The following ST6GALNAC5 variants were observed in gnomAD, a reference collection of about 807,000 sequenced individuals.
ST6GALNAC5 encodes alpha-N-acetylgalactosaminide alpha-2,6-sialyltransferase 5.
A neutral mutation model predicts 33.6 loss-of-function variants in ST6GALNAC5; 27 were observed. That is an observed-to-expected ratio of 0.80 (90% CI 0.59 to 1.11). The LOEUF (loss-of-function observed/expected upper bound fraction) is 1.11. Among genes scored for constraint, ST6GALNAC5 ranks in the 50% least tolerant of loss-of-function variants. The probability of loss-of-function intolerance (pLI) is 0.00; values close to 1 mark genes in which losing one functional copy is unlikely to be tolerated. For missense variants in ST6GALNAC5, 428 were observed against 454.0 expected (o/e 0.94, Z 0.52); for synonymous variants, 194 against 171.2 (o/e 1.13, Z -1.04).
intron 2 of ST6GALNAC5, among the ~76,000 whole-genome samples, chr1:76,899,722 G>T (rs1348968814): frequency 3.3e-5 from 5 of 152,304 alleles, no homozygotes; most frequent in East Asian, 3.9e-4. Context: ...GAAAGGAATT[G>T]AAATTAAGAG....
Position 76,868,412 on chromosome 1 carries a change from C to A in ST6GALNAC5, c.16-85C>A. On this transcript the variant is annotated intron_variant, in intron 1 of 4. Coordinates refer to ENST00000477717, the MANE Select transcript of ST6GALNAC5 (RefSeq NM_030965.3). This position sits in a 1 kb window ranked among gnomAD's most constrained non-coding sequence, Gnocchi z 4.3. ...CCCCAAATCTCCCCCACTAGAGTGACCACCGCACAGTTGTCCCCGCTGGGC... is the reference window on the plus strand; with the variant it reads ...CCCCAAATCTCCCCCACTAGAGTGAACACCGCACAGTTGTCCCCGCTGGGC... 1 of 1,510,322 alleles carries A rather than the reference C, an allele frequency of 6.6e-7. No homozygotes were observed. The highest frequency in any genetic ancestry group is 8.9e-7 in the Non-Finnish European group (1 of 1,127,036). 93.6% of individuals were successfully genotyped at this position (1,510,322 alleles called of 1,614,324 possible).
At chr1:77,003,639 C>T (rs976472045) in intron 2 of ST6GALNAC5, among the ~76,000 whole-genome samples, 1 of 152,032 alleles carries the variant, frequency 6.6e-6, no homozygotes, top group African/African-American at 2.4e-5. Flanking sequence ...CTGGTTGTTC[C>T]TTTCCATGTT....
At chr1:77,009,630 G>A (rs1374723487) in intron 2 of ST6GALNAC5, among the ~76,000 whole-genome samples, 1 of 152,092 alleles carries the variant, frequency 6.6e-6, no homozygotes, top group Admixed American at 6.5e-5. Context: ...TCCCCCATGT[G>A]ACAAGAAGCT....
intron 2 of ST6GALNAC5, among the ~76,000 whole-genome samples, chr1:76,974,121 T>C (rs1208985252): frequency 6.6e-6 from 1 of 152,074 alleles, no homozygotes; most frequent in East Asian, 1.9e-4. Context: ...AATTACAAAT[T>C]AGTGAAGATT....
intron 2 of ST6GALNAC5, among the ~76,000 whole-genome samples, chr1:76,974,433 C>G (rs1366871598): frequency 6.6e-6 from 1 of 151,808 alleles, no homozygotes. Context: ...AAACACCTGG[C>G]CTCACGCAAT....
In ST6GALNAC5 at chr1:77,063,411, T is replaced by C. The variant is rs976288704; in HGVS notation, c.*205T>C. 7 of 577,006 alleles carry C rather than the reference T, an allele frequency of 1.2e-5. No individual in the cohort carries two copies. Among genetic ancestry groups the C allele is most frequent in the Non-Finnish European group, 1.9e-5 (6 of 322,612 alleles). 35.7% of individuals were successfully genotyped at this position (577,006 alleles called of 1,614,324 possible). A position where few individuals can be genotyped will look rare whatever the true frequency, so the allele number is the denominator to read the frequency against. On this transcript the variant is annotated 3_prime_UTR_variant, in exon 5 of 5. Coordinates refer to ENST00000477717, the MANE Select transcript of ST6GALNAC5 (RefSeq NM_030965.3). Reference sequence around the variant, plus strand: ...TCCGGAATTAATGCATCCTAATGAATGTTGTCCCCTTCAATGGTGTTACCT... The same window carrying C: ...TCCGGAATTAATGCATCCTAATGAACGTTGTCCCCTTCAATGGTGTTACCT...
At chr1:76,901,663 AG>A (rs1365586139) in intron 2 of ST6GALNAC5, among the ~76,000 whole-genome samples, 1 of 152,170 alleles carries the variant, frequency 6.6e-6, no homozygotes, top group African/African-American at 2.4e-5. Flanking sequence ...ATTTTCTACA[AG>A]CAGAGAAGTT....
At chr1:76,948,167 C>T (rs1035289456) in intron 2 of ST6GALNAC5, among the ~76,000 whole-genome samples, 5 of 152,152 alleles carry the variant, frequency 3.3e-5, no homozygotes, top group African/African-American at 1.2e-4. Flanking sequence ...TGAGGCGTGT[C>T]TATAAGGGCC....
In ST6GALNAC5 at chr1:77,063,160, C is replaced by A. The variant is rs1652644936; in HGVS notation, c.965C>A (p.Pro322Gln). The A allele has an allele frequency of 6.2e-7, 1 of 1,613,518 alleles. No individual in the cohort carries two copies. Among genetic ancestry groups the A allele is most frequent in the African/African-American group, 1.3e-5 (1 of 74,810 alleles). ...NIHFFQPDWK[P>Q]ESLAINHPEN... ...CACTTTTTTCAACCAGACTGGAAAC[C>A]AGAATCACTTGCTATAAATCATCCT... Residue 322 changes from proline (P) to glutamine (Q), a missense_variant, in exon 5 of 5, where the codon CCA (proline) becomes CAA (glutamine). By Grantham distance (76) the Pro-to-Gln change is moderately conservative. Coordinates refer to ENST00000477717, the MANE Select transcript of ST6GALNAC5 (RefSeq NM_030965.3).
intron 2 of ST6GALNAC5, among the ~76,000 whole-genome samples, chr1:76,958,370 A>G (rs1648090048): frequency 6.6e-6 from 1 of 152,166 alleles, no homozygotes. Flanking sequence ...TTCTTCCGCT[A>G]TGTAGTTGTT....
chr1:76,873,274 C>A (rs1444884099), intron 2 of ST6GALNAC5, among the ~76,000 whole-genome samples: 1 of 152,332 alleles, frequency 6.6e-6, no homozygotes, highest in East Asian at 1.9e-4. Flanking sequence ...CTTTAACTAG[C>A]CCCTCCTCAA....
chr1:77,032,974 A>G (rs939066099), intron 2 of ST6GALNAC5, among the ~76,000 whole-genome samples: 1 of 152,156 alleles, frequency 6.6e-6, no homozygotes. Context: ...GCCACATTAA[A>G]TATCACCTCA....
At chr1:76,968,766 G>A (rs772627347) in intron 2 of ST6GALNAC5, among the ~76,000 whole-genome samples, 21 of 152,152 alleles carry the variant, frequency 1.4e-4, no homozygotes, top group Non-Finnish European at 2.5e-4. Flanking sequence ...GATCTTGTAA[G>A]GCAGGCCTGG....
chr1:76,894,169 A>C (rs1274789239), intron 2 of ST6GALNAC5, among the ~76,000 whole-genome samples: 3 of 152,198 alleles, frequency 2.0e-5, no homozygotes, highest in African/African-American at 7.2e-5. Context: ...AAATCTGTCA[A>C]ATCTTTTAAG....
At chr1:76,972,316 C>T (rs1648792910) in intron 2 of ST6GALNAC5, among the ~76,000 whole-genome samples, 1 of 152,110 alleles carries the variant, frequency 6.6e-6, no homozygotes, top group Admixed American at 6.6e-5. Context: ...AATTGCCTCC[C>T]ACCAGGACCC....
chr1:76,898,511 T>G (rs1439482278), intron 2 of ST6GALNAC5, among the ~76,000 whole-genome samples: 6 of 152,156 alleles, frequency 3.9e-5, no homozygotes, highest in African/African-American at 1.4e-4. Flanking sequence ...AAACGTATAT[T>G]GAGAATAAGA....
chr1:77,034,717 G>T (rs1247478332), intron 2 of ST6GALNAC5, among the ~76,000 whole-genome samples: 1 of 152,196 alleles, frequency 6.6e-6, no homozygotes, highest in Non-Finnish European at 1.5e-5. Flanking sequence ...TGCAGAGGAA[G>T]GCAGCCTGCA....
chr1:76,878,762 T>G (rs1557707228), intron 2 of ST6GALNAC5, among the ~76,000 whole-genome samples: 1 of 152,162 alleles, frequency 6.6e-6, no homozygotes, highest in Non-Finnish European at 1.5e-5. Flanking sequence ...TCCATTTGAC[T>G]TCGAAGTTTT....
At chr1:76,875,793 C>G (rs1348223485) in intron 2 of ST6GALNAC5, among the ~76,000 whole-genome samples, 3 of 152,162 alleles carry the variant, frequency 2.0e-5, no homozygotes, top group Non-Finnish European at 4.4e-5. Context: ...GAGCATACAT[C>G]CCTGCCACCA....
Sources: allele counts gnomAD v4.1 joint callset (sites outside exome capture counted in the v4.1 genomes callset), GRCh38; gene constraint gnomAD v4.1.1; non-coding constraint Gnocchi (gnomAD v3.1); transcripts MANE v1.5; gene names NCBI Gene and HGNC (gene_info 2026-07-23, HGNC 2026-07-21).